Variants in TRIM71 observed in about 807,000 individuals in gnomAD.
TRIM71 encodes the protein tripartite motif containing 71, also known as E3 ubiquitin-protein ligase TRIM71.
TRIM71 carries 9 observed loss-of-function variants against 61.2 expected under a neutral mutation model. That is an observed-to-expected ratio of 0.15 (90% confidence interval 0.09 to 0.26). TRIM71 has a LOEUF of 0.26. Among genes scored for constraint, TRIM71 ranks in the 10% least tolerant of loss-of-function variants. TRIM71 has a pLI of 1.00. For synonymous variants in TRIM71, 645 were observed against 553.2 expected (o/e 1.17, Z -2.33); for missense variants, 998 against 1,238.7 (o/e 0.81, Z 2.92).
At chr3:32,844,140 G>A (rs1696444367) in intron 1 of TRIM71, among the ~76,000 whole-genome samples, 1 of 152,100 alleles carries the variant, frequency 6.6e-6, no homozygotes. Flanking sequence ...CCCTTCCCTG[G>A]TTAACAATGA....
At chr3:32,880,373 A>G (rs1262409519) in intron 2 of TRIM71, among the ~76,000 whole-genome samples, 1 of 152,196 alleles carries the variant, frequency 6.6e-6, no homozygotes, top group Non-Finnish European at 1.5e-5. Flanking sequence ...TGTTGTAACC[A>G]TCTAATAAAT....
At chr3:32,860,647 C>T (rs1696656945) in intron 1 of TRIM71, among the ~76,000 whole-genome samples, 1 of 152,092 alleles carries the variant, frequency 6.6e-6, no homozygotes, top group African/African-American at 2.4e-5. Context: ...CTTAACCTGC[C>T]CAGTAACTGC....
intron 1 of TRIM71, among the ~76,000 whole-genome samples, chr3:32,819,243 A>G (rs1696100499): frequency 9.4e-6 from 1 of 105,822 alleles, no homozygotes. Context: ...GGGAGGAGAT[A>G]GGTGTGTGTG....
intron 1 of TRIM71, among the ~76,000 whole-genome samples, chr3:32,841,625 C>A (rs933895720): frequency 6.6e-6 from 1 of 152,070 alleles, no homozygotes. Flanking sequence ...CCAACCCCCA[C>A]CCCCCAAAAG....
intron 2 of TRIM71, among the ~76,000 whole-genome samples, chr3:32,881,442 C>A (rs1332220733): frequency 6.6e-6 from 1 of 152,190 alleles, no homozygotes; most frequent in African/African-American, 2.4e-5. Flanking sequence ...TACCACTGTT[C>A]TCCACAGTTG....
At chr3:32,854,668 T>A (rs1361986853) in intron 1 of TRIM71, among the ~76,000 whole-genome samples, 1 of 152,228 alleles carries the variant, frequency 6.6e-6, no homozygotes, top group African/African-American at 2.4e-5. Flanking sequence ...CAAAGTTGTT[T>A]TATGTTCTTT....
intron 1 of TRIM71, among the ~76,000 whole-genome samples, chr3:32,837,654 C>A (rs1284617505): frequency 6.6e-6 from 1 of 152,056 alleles, no homozygotes; most frequent in South Asian, 2.1e-4. Flanking sequence ...CCCCTCCCTA[C>A]TAAAAATACA....
intron 1 of TRIM71, among the ~76,000 whole-genome samples, chr3:32,824,233 G>C (rs529657793): frequency 8.6e-5 from 13 of 150,908 alleles, no homozygotes; most frequent in Admixed American, 2.0e-4. Context: ...GCTGGAGTGC[G>C]GTGGTGCAGT....
chr3:32,823,739 A>C (rs1453214060), intron 1 of TRIM71, among the ~76,000 whole-genome samples: 1 of 146,198 alleles, frequency 6.8e-6, no homozygotes, highest in Non-Finnish European at 1.5e-5. Context: ...ATTGCACTCC[A>C]GCCTGGGTGA....
intron 1 of TRIM71, among the ~76,000 whole-genome samples, chr3:32,856,260 G>A (rs958342571): frequency 2.6e-5 from 4 of 151,946 alleles, no homozygotes; most frequent in Non-Finnish European, 5.9e-5. Flanking sequence ...CTCGTGATCC[G>A]CCTGCCTCGG....
chr3:32,874,337 T>C (rs561079163), intron 2 of TRIM71, among the ~76,000 whole-genome samples: 26 of 148,094 alleles, frequency 1.8e-4, no homozygotes, highest in Non-Finnish European at 3.6e-4. Flanking sequence ...CTACTACTAC[T>C]ACTACTACTA....
chr3:32,824,335 G>C lies in TRIM71; in HGVS notation c.852+5403G>C, dbSNP rs1696175987. ...GGGGATTACAGGCGCTCGTCACCTT[G>C]TCCGGCTAATTTTTTTTCTTTCTTT... On this transcript the variant is annotated intron_variant, in intron 1 of 3. Transcript: ENST00000383763. 3.3e-5 allele frequency among the ~76,000 whole-genome samples: 5 copies of C among 151,176 alleles called. 1 individual carries two copies. In the South Asian group the frequency reaches 1.0e-3, roughly 32 times the overall value.
chr3:32,821,417 A>T (rs1030146006), intron 1 of TRIM71, among the ~76,000 whole-genome samples: 6 of 151,856 alleles, frequency 4.0e-5, no homozygotes, highest in African/African-American at 1.5e-4. Flanking sequence ...CAAACACCCT[A>T]CCCCAGCCTG....
At position 32,821,559 on chromosome 3, in the gene TRIM71, T is replaced by C. The variant is rs147838851; in HGVS notation, c.852+2627T>C. Among the ~76,000 whole-genome samples, 788 of 152,300 alleles carry C rather than the reference T, an allele frequency of 5.2e-3. 4 individuals carry two copies. The highest frequency in any genetic ancestry group is 0.018 in the African/African-American group (731 of 41,566). The stretch of plus-strand genomic sequence containing the variant: ...GTAATGATGATAACCTGGAAATCTT[T>C]GGGTTTTCCAACGAAATAATGAGAC... On this transcript the variant is annotated intron_variant, in intron 1 of 3. Transcript: ENST00000383763.
intron 1 of TRIM71, among the ~76,000 whole-genome samples, chr3:32,819,989 G>T (rs187255134): frequency 1.1e-3 from 171 of 152,270 alleles, no homozygotes; most frequent in Non-Finnish European, 2.4e-3. Flanking sequence ...TTCCACTTTG[G>T]TATTATGCGA....
rs188246529 is a variant in TRIM71 at position 32,847,387 on chromosome 3, G to A, written c.853-26431G>A. Among the ~76,000 whole-genome samples, 406 of 152,108 alleles carry A rather than the reference G, an allele frequency of 2.7e-3. 2 individuals are homozygous for A. The highest frequency in any genetic ancestry group is 0.014 in the Middle Eastern group (4 of 294). On this transcript the variant is annotated intron_variant, in intron 1 of 3. Transcript: ENST00000383763. ...AATTTTGTATTTTTAGTAGAGAGAG[G>A]TTTCTCCACGTTGGTCAGGCTGGTC...
At chr3:32,826,582 CTTTTTTTTTTTT>C (rs71068090) in intron 1 of TRIM71, among the ~76,000 whole-genome samples, 1 of 83,098 alleles carries the variant, frequency 1.2e-5, no homozygotes, top group East Asian at 4.0e-4. Flanking sequence ...CAGGTGAGTT[CTTTTTTTTTTTT>C]TTTTTTTTTT....
intron 2 of TRIM71, among the ~76,000 whole-genome samples, chr3:32,885,719 A>G (rs1285120650): frequency 6.6e-6 from 1 of 152,158 alleles, no homozygotes; most frequent in East Asian, 1.9e-4. Context: ...TTCTCATGCA[A>G]AGAAATCCAG....
At chr3:32,841,585 T>C (rs909934557) in intron 1 of TRIM71, among the ~76,000 whole-genome samples, 5 of 152,042 alleles carry the variant, frequency 3.3e-5, no homozygotes, top group Admixed American at 2.6e-4. Flanking sequence ...TTCACTGCAC[T>C]CCAGCGTGGG....
Sources: allele counts gnomAD v4.1 joint callset (sites outside exome capture counted in the v4.1 genomes callset), GRCh38; gene constraint gnomAD v4.1.1; transcripts MANE v1.5; gene names NCBI Gene and HGNC (gene_info 2026-07-23, HGNC 2026-07-21).